The following SECISBP2 variants were observed in gnomAD, a reference collection of about 807,000 sequenced individuals.
SECISBP2 encodes selenocysteine insertion sequence-binding protein 2.
SECISBP2 carries 96 observed loss-of-function variants against 98.2 expected under a neutral mutation model. That is an observed-to-expected ratio of 0.98 (90% confidence interval 0.83 to 1.16). The LOEUF (loss-of-function observed/expected upper bound fraction) is 1.16. Ranked by LOEUF, SECISBP2 falls within the 50% of genes most tolerant of loss-of-function variation. SECISBP2 has a pLI of 0.00. For synonymous variants in SECISBP2, 407 were observed against 370.2 expected (o/e 1.10, Z -1.14); for missense variants, 1,046 against 1,022.9 (o/e 1.02, Z -0.31).
rs577330555 is a variant in SECISBP2 at position 89,354,880 on chromosome 9, A to G, written c.2114-2531A>G. On this transcript the variant is annotated intron_variant, in intron 14 of 16. Transcript: ENST00000375807. The stretch of plus-strand genomic sequence containing the variant: ...CGGGGGACTTCATATGTCTCCCCTG[A>G]CAAACTGAATATAGATTTCACTGTA... 7 of 985,408 alleles carry G rather than the reference A, an allele frequency of 7.1e-6. No individual in the cohort carries two copies. The South Asian group carries it at 3.3e-4, about 46-fold the overall frequency. The allele number at this position is 985,408 out of a possible 1,614,324, so 61.0% of individuals were successfully genotyped here. A position where few individuals can be genotyped will look rare whatever the true frequency, so the allele number is the denominator to read the frequency against.
rs116137798 is a variant in SECISBP2 at position 89,328,217 on chromosome 9, G to T, written c.575-443G>T. Among the ~76,000 whole-genome samples the T allele has an allele frequency of 4.5e-3, 691 of 152,262 alleles. 5 individuals carry two copies. Among genetic ancestry groups the T allele is most frequent in the African/African-American group, 0.016 (664 of 41,538 alleles). On this transcript the variant is annotated intron_variant, in intron 4 of 16. Transcript: ENST00000375807. ...CGAGTATTATGTACAGTACATCATC[G>T]CATGTACTATACTTTTATATGCCTG... is the stretch of plus-strand genomic sequence containing the variant.
In SECISBP2 at chr9:89,334,661, A is replaced by T. The variant is rs148438115; in HGVS notation, c.1020A>T (p.Pro340=). 8.4e-4 allele frequency: 1,356 copies of T among 1,614,150 alleles called. 3 individuals carry two copies. Among genetic ancestry groups the T allele is most frequent in the Middle Eastern group, 3.0e-3 (18 of 6,056 alleles). ...SSADPKNVSI[P]SSEALSSDPS... The stretch of plus-strand genomic sequence containing the variant: ...CAGATCCTAAAAATGTTAGTATACC[A>T]TCTTCTGAAGCTTTATCTTCGGATC... Residue 340 remains proline, a synonymous_variant, in exon 7 of 17, where the codon CCA becomes CCT. Coordinates refer to ENST00000375807, the MANE Select transcript of SECISBP2 (RefSeq NM_024077.5).
chr9:89,364,237 T>C (rs1296005103), downstream of SECISBP2: 1 of 514,394 alleles, frequency 1.9e-6, no homozygotes, highest in African/African-American at 1.9e-5. Context: ...CTTGCAGCGC[T>C]GTGCTGGTTT....
At chr9:89,358,226 T>G in intron 16 of SECISBP2, 35 bp downstream of exon 16, 1 of 1,586,270 alleles carries the variant, frequency 6.3e-7, no homozygotes, top group South Asian at 1.1e-5. Flanking sequence ...TCAGGTCGAG[T>G]GTCCTCTTAT....
downstream of SECISBP2, chr9:89,360,959 CAG>C (rs1832716699): frequency 6.6e-6 from 1 of 152,166 alleles, no homozygotes; most frequent in Non-Finnish European, 1.5e-5. Flanking sequence ...GGAGAAGAGA[CAG>C]AAAACAGCAC....
chr9:89,352,089 T>C (rs574789574), intron 14 of SECISBP2, among the ~76,000 whole-genome samples: 1 of 152,222 alleles, frequency 6.6e-6, no homozygotes, highest in South Asian at 2.1e-4. Flanking sequence ...ATCTTCCCAA[T>C]AGAGCAAAAG....
intron 10 of SECISBP2, among the ~76,000 whole-genome samples, chr9:89,343,214 G>A (rs1053635435): frequency 6.6e-6 from 1 of 152,168 alleles, no homozygotes; most frequent in Non-Finnish European, 1.5e-5. Context: ...AGCCAAGACA[G>A]TTAAAACGCA....
chr9:89,363,309 G>A, downstream of SECISBP2: 1 of 1,427,814 alleles, frequency 7.0e-7, no homozygotes, highest in Non-Finnish European at 9.4e-7. Context: ...AACTGCTCCG[G>A]GGCTAAGAGG....
chr9:89,329,982 T>G (rs373150776), intron 5 of SECISBP2: 6 of 152,364 alleles, frequency 3.9e-5, no homozygotes, highest in African/African-American at 1.4e-4. Flanking sequence ...AAACTGCAAC[T>G]TTAAATGAAA....
intron 10 of SECISBP2, 75 bp downstream of exon 10, chr9:89,341,554 T>G: frequency 6.4e-6 from 10 of 1,566,092 alleles, no homozygotes; most frequent in East Asian, 2.2e-5. Context: ...CCATTTTCTC[T>G]TGTTATCAAA....
chr9:89,319,778 C>G lies in SECISBP2; in HGVS notation c.163C>G (p.Gln55Glu). ...TGCAGCCACATACTATCCGTTTGTT[C>G]AGGAACCACCAGTGACAGAGTATGT... ...SSAATYYPFV[Q>E]EPPVTEQKIY... is the part of the protein sequence containing the mutation. Residue 55 changes from glutamine (Q) to glutamate (E), a missense_variant, in exon 2 of 17, where the codon CAG becomes GAG. Transcript: ENST00000375807. The G allele has an allele frequency of 6.2e-7, 1 of 1,614,110 alleles. No individual in the cohort carries two copies. The highest frequency in any genetic ancestry group is 1.1e-5 in the South Asian group (1 of 91,080).
rs762695551 is a variant in SECISBP2, at chr9:89,346,913, T to C, written c.1467T>C (p.Cys489=). The stretch of plus-strand genomic sequence containing the variant: ...CAGTGCCAGTCCTTTCCAAAGAATG[T>C]GCATCAGGGGAGAGAGGCCGCCGCA... ...VGAVPVLSKE[C]ASGERGRRMS... Residue 489 remains cysteine (C), a synonymous_variant, in exon 11 of 17, where the codon TGT becomes TGC. Transcript: ENST00000375807. 1.2e-6 allele frequency: 2 copies of C among 1,613,970 alleles called. No individual in the cohort carries two copies. The highest frequency in any genetic ancestry group is 2.2e-5 in the South Asian group (2 of 91,078).
rs755399600 is a variant in SECISBP2 at position 89,325,966 on chromosome 9, A to G, written c.502A>G (p.Ile168Val). The G allele has an allele frequency of 4.3e-6, 7 of 1,613,878 alleles. No homozygotes were observed. Among genetic ancestry groups the G allele is most frequent in the South Asian group, 2.2e-5 (2 of 91,090 alleles). Residue 168 changes from isoleucine (I) to valine (V), a missense_variant, in exon 4 of 17, where the codon ATA becomes GTA. Physicochemically the swap from Ile to Val is conservative, Grantham distance 29. Coordinates refer to ENST00000375807, the MANE Select transcript of SECISBP2 (RefSeq NM_024077.5). ...TGACAGTGAAAGGGCTGATGGAACT[A>G]TATCATCTGAGATAAAATCAGCTAG... Reference protein sequence around the residue: ...KFDSERADGTISSEIKSARGS... With the variant: ...KFDSERADGTVSSEIKSARGS...
intron 10 of SECISBP2, among the ~76,000 whole-genome samples, chr9:89,341,975 A>G (rs188712537): frequency 7.9e-5 from 12 of 152,372 alleles, no homozygotes; most frequent in African/African-American, 2.9e-4. Flanking sequence ...AAATTTTTGC[A>G]TACCGAAGGA....
chr9:89,343,662 G>C (rs959300048), intron 10 of SECISBP2, among the ~76,000 whole-genome samples: 1 of 152,168 alleles, frequency 6.6e-6, no homozygotes, highest in Non-Finnish European at 1.5e-5. Flanking sequence ...TCCTACAAAG[G>C]ACGTGGTCTC....
intron 14 of SECISBP2, among the ~76,000 whole-genome samples, chr9:89,353,436 C>T (rs1831589667): frequency 6.6e-6 from 1 of 152,184 alleles, no homozygotes; most frequent in Non-Finnish European, 1.5e-5. Flanking sequence ...TGTGGTGCGT[C>T]ATGTCCTGCA....
chr9:89,350,935 G>A, intron 14 of SECISBP2, 83 bp downstream of exon 14: 4 of 1,145,844 alleles, frequency 3.5e-6, no homozygotes, highest in Middle Eastern at 3.9e-4. Flanking sequence ...ACACCTCAGC[G>A]GCCCATGCCA....
intron 5 of SECISBP2, chr9:89,329,272 T>A (rs1038918664): frequency 4.6e-6 from 1 of 217,514 alleles, no homozygotes; most frequent in African/African-American, 2.4e-5. Context: ...ACTGCCACGC[T>A]GGCTAATTTT....
intron 15 of SECISBP2, 25 bp from the exon 16 acceptor site, chr9:89,357,974 C>T (rs2132096749): frequency 6.2e-7 from 1 of 1,611,372 alleles, no homozygotes; most frequent in East Asian, 2.2e-5. Flanking sequence ...GGGATGTTAC[C>T]TGTGTGCTCT....
Sources: allele counts gnomAD v4.1 joint callset (sites outside exome capture counted in the v4.1 genomes callset), GRCh38; gene constraint gnomAD v4.1.1; transcripts MANE v1.5; gene names NCBI Gene and HGNC (gene_info 2026-07-23, HGNC 2026-07-21).